The following CXCR2 variants were observed in gnomAD, a reference collection of about 807,000 sequenced individuals.
CXCR2 encodes C-X-C motif chemokine receptor 2.
CXCR2 carries 2 observed loss-of-function variants against 3.7 expected under a neutral mutation model. That is an observed-to-expected ratio of 0.55 (90% CI 0.22 to 1.72). The LOEUF is 1.72. Among genes scored for constraint, CXCR2 ranks in the 40% most tolerant of loss-of-function variants. CXCR2 has a pLI of 0.19. For synonymous variants in CXCR2, 203 were observed against 193.3 expected (o/e 1.05, Z -0.41); for missense variants, 351 against 450.1 (o/e 0.78, Z 1.99).
intron 1 of CXCR2, 38 bp downstream of exon 1, chr2:218,126,391 T>C (rs1574535194): frequency 6.6e-6 from 1 of 152,328 alleles, no homozygotes; most frequent in East Asian, 1.9e-4. Flanking sequence ...TGGCAACATA[T>C]TTCTAATGGA....
intron 1 of CXCR2, 149 bp from the exon 2 acceptor site, chr2:218,129,165 A>G (rs975342741): frequency 1.3e-5 from 2 of 152,298 alleles, no homozygotes; most frequent in East Asian, 3.8e-4. Flanking sequence ...TGAAATGACT[A>G]TGCATCCGAG....
chr2:218,131,928 G>A (rs1256857957), intron 2 of CXCR2, among the ~76,000 whole-genome samples: 1 of 151,852 alleles, frequency 6.6e-6, no homozygotes, highest in Non-Finnish European at 1.5e-5. Flanking sequence ...TCACTCTTGG[G>A]GGAAAAGTGG....
intron 2 of CXCR2, among the ~76,000 whole-genome samples, chr2:218,131,922 T>A (rs1690657421): frequency 6.6e-6 from 1 of 151,966 alleles, no homozygotes; most frequent in Non-Finnish European, 1.5e-5. Context: ...ATTCCATCAC[T>A]CTTGGGGGAA....
chr2:218,133,620 C>T (rs2106106150), intron 2 of CXCR2, among the ~76,000 whole-genome samples: 1 of 152,266 alleles, frequency 6.6e-6, no homozygotes, highest in Admixed American at 6.5e-5. Context: ...AACTGCAGCC[C>T]ACCCTCCACA....
In CXCR2 at chr2:218,135,049, C is replaced by A. The variant is rs1690750103; in HGVS notation, c.248C>A (p.Thr83Asn). 6.2e-7 allele frequency: 1 copy of A among 1,614,266 alleles called. No homozygotes were observed. The highest frequency in any genetic ancestry group is 1.1e-5 in the South Asian group (1 of 91,092). Residue 83 changes from threonine to asparagine, a missense_variant, in exon 3 of 3, where the codon ACT (threonine) becomes AAT (asparagine). Transcript: ENST00000318507. The surrounding 1 kb of genome is among the most constrained non-coding windows in gnomAD (Gnocchi z 4.0). ...ILYSRVGRSVTDVYLLNLALA... is the reference protein window; with the variant it reads ...ILYSRVGRSVNDVYLLNLALA... The stretch of plus-strand genomic sequence containing the variant: ...TACAGCAGGGTCGGCCGCTCCGTCA[C>A]TGATGTCTACCTGCTGAACCTAGCC...
At chr2:218,129,136 T>C (rs1386562875) in intron 1 of CXCR2, among the ~76,000 whole-genome samples, 178 bp from the exon 2 acceptor site, 1 of 152,186 alleles carries the variant, frequency 6.6e-6, no homozygotes, top group African/African-American at 2.4e-5. Flanking sequence ...CCCTTCCCAA[T>C]ATAAACTCTA....
At chr2:218,132,864 T>G (rs1161352803) in intron 2 of CXCR2, among the ~76,000 whole-genome samples, 2 of 152,212 alleles carry the variant, frequency 1.3e-5, no homozygotes, top group African/African-American at 2.4e-5. Context: ...CTATGAACAT[T>G]AGCTTTCAAT....
At position 218,135,840 on chromosome 2, in the gene CXCR2, TC is replaced by T. The variant is rs1222503103; in HGVS notation, c.1041del (p.Phe348LeufsTer70). 2 of 1,613,702 alleles carry T rather than the reference TC, an allele frequency of 1.2e-6. No homozygotes were observed. Among genetic ancestry groups the T allele is most frequent in the Admixed American group, 1.7e-5 (1 of 59,994 alleles). The stretch of plus-strand genomic sequence containing the variant: ...CTCCCTGCCCAAAGACAGCAGGCCT[TC>T]CTTTGTTGGCTCTTCTTCAGGGCAC... The part of the protein sequence containing the change: ...KDSLPKDSRP[S>X]FVGSSSGHTS... On this transcript the variant is annotated frameshift_variant, in exon 3 of 3. Coordinates refer to ENST00000318507, the MANE Select transcript of CXCR2 (RefSeq NM_001557.4). LOFTEE classifies it high-confidence loss of function. This position sits in a 1 kb window ranked among gnomAD's most constrained non-coding sequence, Gnocchi z 4.0.
chr2:218,129,183 C>G (rs770697317), intron 1 of CXCR2, 131 bp from the exon 2 acceptor site: 10 of 152,340 alleles, frequency 6.6e-5, no homozygotes, highest in Non-Finnish European at 8.8e-5. Flanking sequence ...GAGAGCTGAT[C>G]TGGGAACTAA....
rs1690797139 is a variant in CXCR2, at chr2:218,136,077, C to T, written c.*193C>T. ...AGAAAGCTTGCCCTGGTGCCTCACC[C>T]CTTGCCATAATTACTATGTCATTTG... On this transcript the variant is annotated 3_prime_UTR_variant, in exon 3 of 3. Coordinates refer to ENST00000318507, the MANE Select transcript of CXCR2 (RefSeq NM_001557.4). The T allele has an allele frequency of 7.4e-6, 5 of 676,768 alleles. No homozygotes were observed. The East Asian group carries it at 1.4e-4, about 19-fold the overall frequency. The allele number at this position is 676,768 out of a possible 1,614,324, so 41.9% of individuals were successfully genotyped here. A position where few individuals can be genotyped will look rare whatever the true frequency, so the allele number is the denominator to read the frequency against.
intron 1 of CXCR2, among the ~76,000 whole-genome samples, chr2:218,127,338 GCTGTT>G: frequency 1.3e-5 from 2 of 152,100 alleles, no homozygotes; most frequent in East Asian, 3.9e-4. Context: ...TGTTGGCCAG[GCTGTT>G]CTGTAACTCC....
In CXCR2 at chr2:218,135,751, T is replaced by C; in HGVS notation, c.950T>C (p.Ile317Thr). Reference protein sequence around the residue: ...SCLNPLIYAFIGQKFRHGLLK... With the variant: ...SCLNPLIYAFTGQKFRHGLLK... The stretch of plus-strand genomic sequence containing the variant: ...CTCAACCCCCTCATCTACGCCTTCA[T>C]TGGCCAGAAGTTTCGCCATGGACTC... Residue 317 changes from isoleucine to threonine, a missense_variant, in exon 3 of 3, where the codon ATT becomes ACT. By Grantham distance (89) the Ile-to-Thr change is moderately conservative. Transcript: ENST00000318507. The surrounding 1 kb of genome is among the most constrained non-coding windows in gnomAD (Gnocchi z 4.0). 6.2e-7 allele frequency: 1 copy of C among 1,614,040 alleles called. No individual in the cohort carries two copies. Among genetic ancestry groups the C allele is most frequent in the Non-Finnish European group, 8.5e-7 (1 of 1,180,010 alleles).
At chr2:218,130,298 T>C (rs1228022241) in intron 2 of CXCR2, among the ~76,000 whole-genome samples, 2 of 152,032 alleles carry the variant, frequency 1.3e-5, no homozygotes, top group African/African-American at 4.8e-5. Context: ...CAGGCGCCTG[T>C]AATCTCAGCT....
chr2:218,125,532 A>G (rs56145870), upstream of CXCR2: 1 of 151,470 alleles, frequency 6.6e-6, no homozygotes, highest in Non-Finnish European at 1.5e-5. Context: ...AGGCATGCTA[A>G]TGCTGCCTCC....
rs149364972 is a variant in CXCR2 at position 218,135,036 on chromosome 2, G to T, written c.235G>T (p.Gly79Cys). ...GCTGGTCATCTTATACAGCAGGGTCGGCCGCTCCGTCACTGATGTCTACCT... is the reference window on the plus strand; with the variant it reads ...GCTGGTCATCTTATACAGCAGGGTCTGCCGCTCCGTCACTGATGTCTACCT... ...VMLVILYSRV[G>C]RSVTDVYLLN... Residue 79 changes from glycine to cysteine, a missense_variant, in exon 3 of 3, where the codon GGC becomes TGC. Physicochemically the swap from Gly to Cys is radical, Grantham distance 159 (BLOSUM62 -3). Coordinates refer to ENST00000318507, the MANE Select transcript of CXCR2 (RefSeq NM_001557.4). The surrounding 1 kb of genome is among the most constrained non-coding windows in gnomAD (Gnocchi z 4.0). 6.2e-7 allele frequency: 1 copy of T among 1,614,194 alleles called. No homozygotes were observed. The highest frequency in any genetic ancestry group is 8.5e-7 in the Non-Finnish European group (1 of 1,180,032).
intron 2 of CXCR2, among the ~76,000 whole-genome samples, chr2:218,132,583 G>GTAC (rs1360759290): frequency 6.6e-5 from 10 of 152,194 alleles, no homozygotes; most frequent in Non-Finnish European, 1.3e-4. Flanking sequence ...ATATGGTAGA[G>GTAC]TACTGCTCCT....
At chr2:218,130,399 A>G (rs6728227) in intron 2 of CXCR2, among the ~76,000 whole-genome samples, 75,639 of 151,954 alleles carry the variant, frequency 0.5, 19,138 homozygotes, top group Middle Eastern at 0.68. Context: ...CAGCCTGGCA[A>G]CAGAGCGAGA....
intron 1 of CXCR2, among the ~76,000 whole-genome samples, chr2:218,126,845 GTTT>G (rs544878374): frequency 0.022 from 2,665 of 122,444 alleles, 36 homozygotes; most frequent in Non-Finnish European, 0.032. Flanking sequence ...TGTTTGTTTT[GTTT>G]TTGTTTTTGT....
At chr2:218,131,244 C>A (rs1690638300) in intron 2 of CXCR2, among the ~76,000 whole-genome samples, 2 of 152,144 alleles carry the variant, frequency 1.3e-5, no homozygotes, top group African/African-American at 4.8e-5. Context: ...AGTGATCCAC[C>A]CTTGACCTCT....
Sources: allele counts gnomAD v4.1 joint callset (sites outside exome capture counted in the v4.1 genomes callset), GRCh38; gene constraint gnomAD v4.1.1; non-coding constraint Gnocchi (gnomAD v3.1); transcripts MANE v1.5; gene names NCBI Gene and HGNC (gene_info 2026-07-23, HGNC 2026-07-21).